Variants in RBFOX1 observed in about 807,000 individuals in gnomAD.
RBFOX1 encodes RNA binding fox-1 homolog 1, also known as RNA binding protein fox-1 homolog 1.
A neutral mutation model predicts 57.7 loss-of-function variants in RBFOX1; 8 were observed. The ratio of observed to expected loss-of-function variants is 0.14; its 90% confidence interval spans 0.08 to 0.25. The LOEUF is 0.25. Ranked by LOEUF, RBFOX1 falls within the 10% of genes least tolerant of loss-of-function variation. The probability of loss-of-function intolerance (pLI) is 1.00; values close to 1 mark genes in which losing one functional copy is unlikely to be tolerated. For synonymous variants in RBFOX1, 326 were observed against 222.4 expected, an observed-to-expected ratio of 1.47 and a Z score of -4.15; for missense variants, 611 against 548.5, an observed-to-expected ratio of 1.11 and a Z score of -1.14.
chr16:5,263,025 C>A (rs1003068866), intron 1 of RBFOX1, among the ~76,000 whole-genome samples: 1 of 151,338 alleles, frequency 6.6e-6, no homozygotes, highest in Non-Finnish European at 1.5e-5. Flanking sequence ...CATTACAAAT[C>A]TTTGGGCTCC....
chr16:7,166,641 C>T (rs1164780967), intron 4 of RBFOX1, among the ~76,000 whole-genome samples: 1 of 152,128 alleles, frequency 6.6e-6, no homozygotes, highest in Non-Finnish European at 1.5e-5. Flanking sequence ...CACCCCTGAG[C>T]AGTCTGGTGA....
intron 2 of RBFOX1, among the ~76,000 whole-genome samples, chr16:6,587,432 C>G (rs113585962): frequency 1.3e-5 from 2 of 152,140 alleles, no homozygotes; most frequent in African/African-American, 4.8e-5. Context: ...CAGGTGCACA[C>G]CACCATGCCT....
At chr16:6,074,027 C>T (rs565093932) in intron 1 of RBFOX1, among the ~76,000 whole-genome samples, 13 of 152,092 alleles carry the variant, frequency 8.5e-5, no homozygotes, top group Non-Finnish European at 1.8e-4. Flanking sequence ...CAGCTCACTG[C>T]AAGCTCCACC....
chr16:6,636,836 A>C (rs1325821030), intron 2 of RBFOX1, among the ~76,000 whole-genome samples: 19 of 61,292 alleles, frequency 3.1e-4, no homozygotes, highest in African/African-American at 9.0e-4. Flanking sequence ...TGTTATATAT[A>C]ATATATAATA....
chr16:6,027,274 G>T (rs2095214288), intron 1 of RBFOX1, among the ~76,000 whole-genome samples: 1 of 152,152 alleles, frequency 6.6e-6, no homozygotes. Context: ...CCACTTGACA[G>T]ATGAAGGAAC....
chr16:5,759,434 A>T (rs915188051), intron 3 of RBFOX1, among the ~76,000 whole-genome samples: 1 of 152,170 alleles, frequency 6.6e-6, no homozygotes, highest in Admixed American at 6.5e-5. Context: ...TCCTCACATC[A>T]TGTGTTGACA....
intron 2 of RBFOX1, among the ~76,000 whole-genome samples, chr16:5,535,648 T>C (rs900145415): frequency 6.6e-6 from 1 of 152,206 alleles, no homozygotes; most frequent in Non-Finnish European, 1.5e-5. Context: ...TTGCAACTGA[T>C]TTGTTTCGGT....
chr16:7,199,525 C>G (rs984280665), intron 4 of RBFOX1, among the ~76,000 whole-genome samples: 1 of 152,150 alleles, frequency 6.6e-6, no homozygotes, highest in African/African-American at 2.4e-5. Context: ...GCTGTGTATA[C>G]TCATGTTCAG....
chr16:5,820,352 C>T (rs1372745834), intron 3 of RBFOX1, among the ~76,000 whole-genome samples: 1 of 152,128 alleles, frequency 6.6e-6, no homozygotes, highest in Non-Finnish European at 1.5e-5. Flanking sequence ...TTATATAAAT[C>T]CTGCAAGGGG....
intron 4 of RBFOX1, among the ~76,000 whole-genome samples, chr16:7,469,782 C>G (rs1427053366): frequency 6.6e-6 from 1 of 152,150 alleles, no homozygotes; most frequent in African/African-American, 2.4e-5. Flanking sequence ...CCATTGATCT[C>G]CAGAACTTTT....
intron 1 of RBFOX1, among the ~76,000 whole-genome samples, chr16:6,141,062 C>G (rs865977834): frequency 2.2e-4 from 34 of 152,182 alleles, no homozygotes; most frequent in African/African-American, 8.2e-4. Context: ...TCATTTTCAT[C>G]CTCTTAATTC....
intron 1 of RBFOX1, among the ~76,000 whole-genome samples, chr16:6,191,607 C>A (rs1397079813): frequency 1.3e-5 from 2 of 152,092 alleles, no homozygotes; most frequent in Admixed American, 6.5e-5. Flanking sequence ...GTTGCTAGAA[C>A]TGAGAAAGGG....
At chr16:6,569,708 A>G (rs901739836) in intron 2 of RBFOX1, among the ~76,000 whole-genome samples, 1 of 152,170 alleles carries the variant, frequency 6.6e-6, no homozygotes, top group African/African-American at 2.4e-5. Flanking sequence ...ATAACAGCTT[A>G]CCTACCATCC....
At chr16:7,182,286 A>C (rs924164418) in intron 4 of RBFOX1, among the ~76,000 whole-genome samples, 3 of 152,054 alleles carry the variant, frequency 2.0e-5, no homozygotes, top group African/African-American at 7.2e-5. Context: ...TAGGGATGTG[A>C]GGTTGAATTC....
At chr16:5,666,887 A>G (rs142192873) in intron 3 of RBFOX1, among the ~76,000 whole-genome samples, 225 of 152,264 alleles carry the variant, frequency 1.5e-3, no homozygotes, top group Non-Finnish European at 2.3e-3. Context: ...CTCAGTTTGC[A>G]TGTATTAAGT....
intron 4 of RBFOX1, among the ~76,000 whole-genome samples, chr16:7,330,374 G>A (rs1439456944): frequency 2.1e-5 from 3 of 143,752 alleles, no homozygotes; most frequent in African/African-American, 7.7e-5. Context: ...TATATGTTCA[G>A]TGCAGGTGCA....
At chr16:6,896,386 C>T (rs913468872) in intron 3 of RBFOX1, among the ~76,000 whole-genome samples, 1 of 152,072 alleles carries the variant, frequency 6.6e-6, no homozygotes, top group South Asian at 2.1e-4. Context: ...CTTTTTCTTT[C>T]TTTTTTTCTT....
chr16:7,190,247 G>T (rs9929134), intron 4 of RBFOX1, among the ~76,000 whole-genome samples: 38,764 of 151,882 alleles, frequency 0.26, 5,474 homozygotes, highest in African/African-American at 0.38. Context: ...TAATCCCAGC[G>T]ACTCGGGAGG....
At chr16:5,539,151 G>T (rs2044827286) in intron 2 of RBFOX1, among the ~76,000 whole-genome samples, 1 of 152,176 alleles carries the variant, frequency 6.6e-6, no homozygotes, top group Non-Finnish European at 1.5e-5. Flanking sequence ...CCAGGTGCAT[G>T]GTTCAGGGAA....
Sources: gnomAD v4.1 joint callset for allele counts (sites outside exome capture counted in the v4.1 genomes callset) on GRCh38, gnomAD v4.1.1 for gene constraint, MANE v1.5 for transcripts, NCBI Gene and HGNC (gene_info 2026-07-23, HGNC 2026-07-21) for gene names.